TAF8: variants seen among roughly 807,000 people sequenced by gnomAD.
TAF8 encodes transcription initiation factor TFIID subunit 8.
TAF8 carries 47 observed loss-of-function variants against 36.5 expected under a neutral mutation model. That is an observed-to-expected ratio of 1.29 (90% CI 1.02 to 1.64). The LOEUF (loss-of-function observed/expected upper bound fraction) is 1.64, where lower values mean the gene tolerates loss of function less well. Ranked by LOEUF, TAF8 falls within the 40% of genes most tolerant of loss-of-function variation. The pLI is 0.00. For synonymous variants in TAF8, 175 were observed against 159.5 expected (o/e 1.10, Z -0.73); for missense variants, 420 against 407.6 (o/e 1.03, Z -0.26).
intron 5 of TAF8, among the ~76,000 whole-genome samples, chr6:42,060,942 T>A (rs1328621691): frequency 3.9e-5 from 6 of 152,222 alleles, no homozygotes; most frequent in African/African-American, 9.6e-5. Flanking sequence ...TGATAAAAGT[T>A]GCAAATAGTT....
At chr6:42,084,897 C>T (rs1379562111), downstream of TAF8, among the ~76,000 whole-genome samples, 1 of 152,238 alleles carries the variant, frequency 6.6e-6, no homozygotes, top group Non-Finnish European at 1.5e-5. Flanking sequence ...AACCATGTGG[C>T]TACCCATCGC....
intron 6 of TAF8, among the ~76,000 whole-genome samples, chr6:42,067,499 G>C (rs140115495): frequency 0.011 from 1,738 of 152,282 alleles, 33 homozygotes; most frequent in African/African-American, 0.036. Flanking sequence ...ATAGGCATGA[G>C]CCACCACACC....
At chr6:42,066,288 G>T in intron 5 of TAF8, 24 bp from the exon 6 acceptor site, 1 of 1,612,172 alleles carries the variant, frequency 6.2e-7, no homozygotes, top group Non-Finnish European at 8.5e-7. Flanking sequence ...CATCACCCCA[G>T]TGTCTTTGCT....
At position 42,068,961 on chromosome 6, in the gene TAF8, A is replaced by G. The variant is rs1765460843; in HGVS notation, c.780+354A>G. 2.6e-5 allele frequency among the ~76,000 whole-genome samples: 4 copies of G among 152,130 alleles called. 2 individuals are homozygous for G. Among genetic ancestry groups the G allele is most frequent in the Admixed American group, 2.6e-4 (4 of 15,260 alleles). On this transcript the variant is annotated intron_variant, in intron 7 of 8. Coordinates refer to ENST00000372977, the MANE Select transcript of TAF8 (RefSeq NM_138572.3). ...GAGGGATGCAGTATTAGGTAGAGTG[A>G]CCGAGAAGGGGGCATTTGAGTAAAG...
At position 42,066,446 on chromosome 6, in the gene TAF8, C is replaced by T. The variant is rs775738645; in HGVS notation, c.624C>T (p.Val208=). ...GETQSLFKDD[V]STFPLIAARP... is the part of the protein sequence containing the mutation. Reference sequence around the variant, plus strand: ...CTCAGAGTCTTTTCAAAGATGACGTCAGCACATTTCCATGTGAGAGTTGCC... The same window carrying T: ...CTCAGAGTCTTTTCAAAGATGACGTTAGCACATTTCCATGTGAGAGTTGCC... The change falls in exon 6 of 9, where the codon GTC becomes GTT. Residue 208 remains valine, a synonymous_variant. Coordinates refer to ENST00000372977, the MANE Select transcript of TAF8 (RefSeq NM_138572.3). 5.0e-6 allele frequency: 8 copies of T among 1,614,020 alleles called. No homozygotes were observed. The highest frequency in any genetic ancestry group is 5.9e-6 in the Non-Finnish European group (7 of 1,180,018).
At chr6:42,077,400 T>G in intron 8 of TAF8, 133 bp from the exon 9 acceptor site, 3 of 1,535,592 alleles carry the variant, frequency 2.0e-6, no homozygotes, top group Non-Finnish European at 2.6e-6. Flanking sequence ...CTCCCGTACA[T>G]AGCTCTTGTT....
chr6:42,074,426 CACCACAG>C (rs1402317726), intron 7 of TAF8, among the ~76,000 whole-genome samples: 2 of 152,196 alleles, frequency 1.3e-5, no homozygotes, highest in Non-Finnish European at 2.9e-5. Flanking sequence ...TGGATGCAGT[CACCACAG>C]AGGGTGTAGG....
rs2127465590 is a variant in TAF8 at position 42,078,708 on chromosome 6, T to C, written c.*1163T>C. The C allele has an allele frequency of 1.0e-6, 1 of 985,438 alleles. No homozygotes were observed. Among genetic ancestry groups the C allele is most frequent in the Non-Finnish European group, 1.2e-6 (1 of 829,934 alleles). 61.0% of individuals were successfully genotyped at this position (985,438 alleles called of 1,614,324 possible). On this transcript the variant is annotated 3_prime_UTR_variant, in exon 9 of 9. Coordinates refer to ENST00000372977, the MANE Select transcript of TAF8 (RefSeq NM_138572.3). ...TACCATTTATTGCCCCTGTGAGGAA[T>C]GTGTGCTTGGGAACTGCCAAGTCTT... is the stretch of plus-strand genomic sequence containing the variant.
chr6:42,058,270 G>A (rs1765075556), intron 5 of TAF8, among the ~76,000 whole-genome samples: 1 of 152,150 alleles, frequency 6.6e-6, no homozygotes, highest in African/African-American at 2.4e-5. Flanking sequence ...TGTAGTTCCA[G>A]CTACTCAGGA....
At chr6:42,050,625 TG>T in intron 1 of TAF8, 39 bp downstream of exon 1, 1 of 1,530,524 alleles carries the variant, frequency 6.5e-7, no homozygotes. Context: ...CGAGAGAGTT[TG>T]GGTATCCTGC....
intron 5 of TAF8, among the ~76,000 whole-genome samples, chr6:42,063,921 A>G (rs1365140439): frequency 6.6e-6 from 1 of 152,226 alleles, no homozygotes; most frequent in Non-Finnish European, 1.5e-5. Flanking sequence ...ATGCCAGCCT[A>G]GAAATCTTGG....
intron 6 of TAF8, 127 bp from the exon 7 acceptor site, chr6:42,068,338 A>T: frequency 2.0e-6 from 2 of 981,118 alleles, no homozygotes; most frequent in Non-Finnish European, 3.1e-6. Flanking sequence ...TTGTGTAAGT[A>T]CTTGGAGCGA....
At chr6:42,055,727 T>C (rs1209182180) in intron 3 of TAF8, 98 bp downstream of exon 3, 6 of 978,674 alleles carry the variant, frequency 6.1e-6, no homozygotes, top group African/African-American at 1.6e-5. Context: ...TCCCTCATGG[T>C]TCTCTTGAAT....
chr6:42,069,618 A>G (rs1343062884), intron 7 of TAF8, among the ~76,000 whole-genome samples: 1 of 152,178 alleles, frequency 6.6e-6, no homozygotes, highest in African/African-American at 2.4e-5. Flanking sequence ...CGTGTCTTAA[A>G]CATAGATGTG....
chr6:42,054,677 C>T (rs1479649718), intron 2 of TAF8, among the ~76,000 whole-genome samples: 5 of 151,552 alleles, frequency 3.3e-5, no homozygotes, highest in East Asian at 1.9e-4. Context: ...GGTGCCATCT[C>T]GGCTCACTGC....
rs1765949601 is a variant in TAF8 at position 42,082,367 on chromosome 6, C to G, written c.*4822C>G. ...TTTCTTTTTGAGACAGAGTCTTGCT[C>G]TATCGCCTAGGCTGGATGGAGTGCA... On this transcript the variant is annotated 3_prime_UTR_variant, in exon 9 of 9. Transcript: ENST00000372977. 1 of 152,256 alleles carries G rather than the reference C, an allele frequency of 6.6e-6. No individual in the cohort carries two copies. The highest frequency in any genetic ancestry group is 2.4e-5 in the African/African-American group (1 of 41,466). The allele number at this position is 152,256 out of a possible 1,614,324, so 9.4% of individuals were successfully genotyped here.
intron 4 of TAF8, chr6:42,056,248 G>A: frequency 2.4e-6 from 1 of 424,458 alleles, no homozygotes; most frequent in Non-Finnish European, 4.3e-6. Flanking sequence ...TTGTGTTCTA[G>A]CCCCAGAAGG....
At chr6:42,051,537 C>A (rs753909069) in intron 2 of TAF8, 24 bp downstream of exon 2, 1 of 1,609,358 alleles carries the variant, frequency 6.2e-7, no homozygotes, top group South Asian at 1.1e-5. Context: ...AACACTTGGC[C>A]TTGGAGTCAA....
rs558204551 is a variant in TAF8, at chr6:42,079,009, C to T, written c.*1464C>T. 34 of 539,584 alleles carry T rather than the reference C, an allele frequency of 6.3e-5. 1 individual carries two copies. The African/African-American group carries it at 6.8e-4, about 11-fold the overall frequency. The allele number at this position is 539,584 out of a possible 1,614,324, so 33.4% of individuals were successfully genotyped here. A position where few individuals can be genotyped will look rare whatever the true frequency, so the allele number is the denominator to read the frequency against. ...TGGTTACTCATGCCTGTAATCCCAG[C>T]TACTCGGGAGGCTGAGGCAGGAGAA... On this transcript the variant is annotated 3_prime_UTR_variant, in exon 9 of 9. Transcript: ENST00000372977.
Sources: allele counts gnomAD v4.1 joint callset (sites outside exome capture counted in the v4.1 genomes callset), GRCh38; gene constraint gnomAD v4.1.1; transcripts MANE v1.5; gene names NCBI Gene and HGNC (gene_info 2026-07-23, HGNC 2026-07-21).